Variants in AGPS observed in about 807,000 individuals in gnomAD.
AGPS encodes the protein alkylglycerone phosphate synthase, also known as alkyldihydroxyacetonephosphate synthase, peroxisomal.
In AGPS, 26 loss-of-function variants were observed where a neutral mutation model predicts 90.7. That is an observed-to-expected ratio of 0.29 (90% CI 0.21 to 0.40). AGPS has a LOEUF of 0.40. Among genes scored for constraint, AGPS ranks in the 10% least tolerant of loss-of-function variants. The pLI is 1.00. For missense variants in AGPS, 540 were observed against 816.1 expected, an observed-to-expected ratio of 0.66 and a Z score of 4.12; for synonymous variants, 294 against 285.3, an observed-to-expected ratio of 1.03 and a Z score of -0.31.
chr2:177,415,965 A>G (rs1685773354), intron 1 of AGPS, among the ~76,000 whole-genome samples: 1 of 152,188 alleles, frequency 6.6e-6, no homozygotes, highest in African/African-American at 2.4e-5. Context: ...TTTTATCAGA[A>G]AAACTTTTAT....
intron 1 of AGPS, among the ~76,000 whole-genome samples, chr2:177,404,663 C>G (rs1685418689): frequency 6.6e-6 from 1 of 152,158 alleles, no homozygotes; most frequent in South Asian, 2.1e-4. Context: ...TTGGTAGTTT[C>G]ATTTTTGAAG....
In AGPS at chr2:177,538,263, A is replaced by C; in HGVS notation, c.*68A>C. On this transcript the variant is annotated 3_prime_UTR_variant, in exon 20 of 20. Coordinates refer to ENST00000264167, the MANE Select transcript of AGPS (RefSeq NM_003659.4). ...AGTTTTCAACTGTGGTTATACTAGT[A>C]ATCAAATATATCATGGACTATATTT... 2 of 1,457,844 alleles carry C rather than the reference A, an allele frequency of 1.4e-6. No individual in the cohort carries two copies. Among genetic ancestry groups the C allele is most frequent in the South Asian group, 1.1e-5 (1 of 87,034 alleles). The allele number at this position is 1,457,844 out of a possible 1,614,324, so 90.3% of individuals were successfully genotyped here. A position where few individuals can be genotyped will look rare whatever the true frequency, so the allele number is the denominator to read the frequency against.
At chr2:177,480,451 A>T (rs1687909801) in intron 10 of AGPS, among the ~76,000 whole-genome samples, 1 of 152,176 alleles carries the variant, frequency 6.6e-6, no homozygotes, top group South Asian at 2.1e-4. Context: ...GCTAGAAACC[A>T]TCATTCTCAG....
At chr2:177,476,617 C>T (rs1218718749) in intron 10 of AGPS, among the ~76,000 whole-genome samples, 1 of 152,032 alleles carries the variant, frequency 6.6e-6, no homozygotes, top group Non-Finnish European at 1.5e-5. Flanking sequence ...GTTCTGTGAG[C>T]ACTTGAAATA....
intron 2 of AGPS, among the ~76,000 whole-genome samples, chr2:177,423,578 T>C (rs1187124211): frequency 3.9e-5 from 6 of 151,904 alleles, no homozygotes; most frequent in Admixed American, 3.3e-4. Flanking sequence ...TCAGTGAAAA[T>C]TGATGAGGTG....
At chr2:177,453,257 C>T (rs556237268) in intron 8 of AGPS, among the ~76,000 whole-genome samples, 1 of 151,148 alleles carries the variant, frequency 6.6e-6, no homozygotes, top group South Asian at 2.1e-4. Context: ...ATGCTTTTTC[C>T]CCCTCTGGCT....
intron 10 of AGPS, among the ~76,000 whole-genome samples, chr2:177,477,373 C>G (rs964061139): frequency 2.6e-5 from 4 of 151,992 alleles, no homozygotes; most frequent in Non-Finnish European, 5.9e-5. Context: ...AACATTACCA[C>G]TATATATAAT....
At chr2:177,474,704 G>A (rs1574398768) in intron 10 of AGPS, among the ~76,000 whole-genome samples, 1 of 152,154 alleles carries the variant, frequency 6.6e-6, no homozygotes, top group Non-Finnish European at 1.5e-5. Context: ...ACAAATGGGA[G>A]CTTACTATTC....
At chr2:177,523,846 T>A (rs992566302) in intron 19 of AGPS, 41 bp downstream of exon 19, 1 of 1,504,962 alleles carries the variant, frequency 6.6e-7, no homozygotes, top group African/African-American at 1.4e-5. Context: ...ATTCTTACTT[T>A]AAAAAATATT....
intron 2 of AGPS, among the ~76,000 whole-genome samples, chr2:177,424,836 T>C (rs1166005881): frequency 6.6e-6 from 1 of 152,250 alleles, no homozygotes; most frequent in Non-Finnish European, 1.5e-5. Flanking sequence ...TGATGAGTGA[T>C]GCTGAGCTTT....
chr2:177,476,768 A>T (rs886208336), intron 10 of AGPS, among the ~76,000 whole-genome samples: 5 of 152,010 alleles, frequency 3.3e-5, no homozygotes, highest in African/African-American at 1.2e-4. Context: ...GAAGTCTCCA[A>T]CTGTTATTGT....
intron 6 of AGPS, among the ~76,000 whole-genome samples, chr2:177,442,083 T>C (rs1686623232): frequency 6.6e-6 from 1 of 152,212 alleles, no homozygotes; most frequent in Non-Finnish European, 1.5e-5. Context: ...TCCATGGTAA[T>C]TATCTGCTTA....
chr2:177,524,207 G>A (rs571734666), intron 19 of AGPS, among the ~76,000 whole-genome samples: 108 of 152,266 alleles, frequency 7.1e-4, no homozygotes, highest in African/African-American at 2.5e-3. Context: ...TTGAAGGGCT[G>A]TTTGTTCTGC....
intron 8 of AGPS, among the ~76,000 whole-genome samples, chr2:177,459,874 A>G (rs1327495631): frequency 6.6e-6 from 1 of 152,242 alleles, no homozygotes; most frequent in Non-Finnish European, 1.5e-5. Flanking sequence ...ATGTATGTTT[A>G]CTGCAGCACT....
At chr2:177,467,918 A>G (rs1687503270) in intron 9 of AGPS, among the ~76,000 whole-genome samples, 2 of 151,998 alleles carry the variant, frequency 1.3e-5, no homozygotes, top group African/African-American at 4.8e-5. Context: ...CTTCATCCCA[A>G]TTTGACCTGG....
intron 1 of AGPS, among the ~76,000 whole-genome samples, chr2:177,403,554 A>G (rs557696432): frequency 1.3e-5 from 2 of 152,338 alleles, no homozygotes; most frequent in East Asian, 3.9e-4. Flanking sequence ...TTACTTTACA[A>G]TCATAAAGAA....
intron 2 of AGPS, among the ~76,000 whole-genome samples, chr2:177,424,429 G>A (rs1352569896): frequency 7.0e-6 from 1 of 143,738 alleles, no homozygotes; most frequent in Admixed American, 7.3e-5. Flanking sequence ...ACATATGCAT[G>A]CATATATCTT....
chr2:177,393,403 AGG>A, intron 1 of AGPS: 4 of 985,350 alleles, frequency 4.1e-6, no homozygotes, highest in Non-Finnish European at 4.8e-6. Context: ...TGGGTAGCAG[AGG>A]TTCTATTTTT....
intron 18 of AGPS, among the ~76,000 whole-genome samples, chr2:177,522,707 G>T (rs1689234439): frequency 6.6e-6 from 1 of 152,124 alleles, no homozygotes; most frequent in Admixed American, 6.5e-5. Context: ...ACCCACCTTG[G>T]CCTCCCAAAG....
Sources: allele counts gnomAD v4.1 joint callset (sites outside exome capture counted in the v4.1 genomes callset), GRCh38; gene constraint gnomAD v4.1.1; transcripts MANE v1.5; gene names NCBI Gene and HGNC (gene_info 2026-07-23, HGNC 2026-07-21).